KDSR: variants seen among roughly 807,000 people sequenced by gnomAD.
KDSR encodes the protein 3-dehydrosphinganine reductase.
A neutral mutation model predicts 41.3 loss-of-function variants in KDSR; 23 were observed. The observed-to-expected ratio is 0.56, with a 90% CI of 0.40 to 0.79. The LOEUF is 0.79. Ranked by LOEUF, KDSR falls within the 30% of genes least tolerant of loss-of-function variation. The pLI is 0.00. For synonymous variants in KDSR, 138 were observed against 151.7 expected (o/e 0.91, Z 0.66); for missense variants, 351 against 416.8 (o/e 0.84, Z 1.37).
chr18:63,344,896 C>G (rs1914451149), intron 6 of KDSR: 1 of 162,318 alleles, frequency 6.2e-6, no homozygotes, highest in Non-Finnish European at 1.3e-5. Context: ...CCTTTCTTCA[C>G]CAGACTGTAC....
At chr18:63,363,207 C>CTTT (rs1006397920) in intron 1 of KDSR, among the ~76,000 whole-genome samples, 1,870 of 121,732 alleles carry the variant, frequency 0.015, 36 homozygotes, top group African/African-American at 0.054. Flanking sequence ...ATCTTATTTT[C>CTTT]TTTTTTTTTT....
At chr18:63,342,367 T>C (rs1914367548) in intron 7 of KDSR, among the ~76,000 whole-genome samples, 1 of 152,006 alleles carries the variant, frequency 6.6e-6, no homozygotes, top group Non-Finnish European at 1.5e-5. Context: ...ACGTGCAGTG[T>C]GAGGTGAAGA....
rs1421936418 is a variant in KDSR, at chr18:63,327,921, T to C, written c.*3861A>G. On this transcript the variant is annotated 3_prime_UTR_variant, in exon 10 of 10. Transcript: ENST00000645214. ...TATCACATCAAGCAAGTGTAAAATA[T>C]AATAGCTACTATCTCCCCTTCAAAA... 3 of 202,356 alleles carry C rather than the reference T, an allele frequency of 1.5e-5. No individual in the cohort carries two copies. Among genetic ancestry groups the C allele is most frequent in the Non-Finnish European group, 3.0e-5 (3 of 98,482 alleles). 12.5% of individuals were successfully genotyped at this position (202,356 alleles called of 1,614,324 possible). A position where few individuals can be genotyped will look rare whatever the true frequency, so the allele number is the denominator to read the frequency against.
intron 1 of KDSR, chr18:63,366,364 C>G (rs1915135492): frequency 6.6e-6 from 1 of 152,416 alleles, no homozygotes; most frequent in Admixed American, 6.5e-5. Context: ...CCACGCTGAG[C>G]TCAGAGACAA....
chr18:63,354,051 T>A (rs751048291), intron 5 of KDSR, among the ~76,000 whole-genome samples: 12 of 152,152 alleles, frequency 7.9e-5, no homozygotes, highest in Non-Finnish European at 1.3e-4. Flanking sequence ...GTTTTTCCCC[T>A]CTCCACAGGG....
At chr18:63,344,340 G>C in intron 7 of KDSR, 70 bp downstream of exon 7, 1 of 1,076,982 alleles carries the variant, frequency 9.3e-7, no homozygotes, top group Non-Finnish European at 1.4e-6. Context: ...AGTGTGAGCT[G>C]AAGAGTAGAA....
Position 63,331,914 on chromosome 18 carries a change from GA to G in KDSR, c.880-14del. 3 of 1,612,668 alleles carry G rather than the reference GA, an allele frequency of 1.9e-6. No individual in the cohort carries two copies. The highest frequency in any genetic ancestry group is 2.5e-6 in the Non-Finnish European group (3 of 1,179,370). Reference sequence around the variant, plus strand: ...CCATGGTGACCACCTGCAAGATAAAGAGAGAGCTTTTAGTGCATCCAACGGT... The same window carrying G: ...CCATGGTGACCACCTGCAAGATAAAGGAGAGCTTTTAGTGCATCCAACGGT... On this transcript the variant is annotated splice_polypyrimidine_tract_variant and intron_variant, in intron 9 of 9. Transcript: ENST00000645214.
At chr18:63,355,609 C>A in intron 3 of KDSR, 46 bp from the exon 4 acceptor site, 1 of 1,511,962 alleles carries the variant, frequency 6.6e-7, no homozygotes, top group Non-Finnish European at 8.8e-7. Flanking sequence ...AGGTACCAAA[C>A]TATTTCTTAA....
chr18:63,335,360 TA>T lies in KDSR; in HGVS notation c.778-3del, dbSNP rs753410186. ...AAGGGAACTGTTGAAATTTCCTTGC[TA>T]AAAGAGAAGAAAAAGAAGAGAAAGA... On this transcript the variant is annotated splice_region_variant and splice_polypyrimidine_tract_variant and intron_variant, in intron 8 of 9. Coordinates refer to ENST00000645214, the MANE Select transcript of KDSR (RefSeq NM_002035.4). The T allele has an allele frequency of 6.2e-7, 1 of 1,602,648 alleles. No homozygotes were observed. Among genetic ancestry groups the T allele is most frequent in the South Asian group, 1.1e-5 (1 of 90,808 alleles).
At chr18:63,332,990 A>G (rs954520803) in intron 9 of KDSR, among the ~76,000 whole-genome samples, 1 of 152,116 alleles carries the variant, frequency 6.6e-6, no homozygotes, top group Non-Finnish European at 1.5e-5. Flanking sequence ...GAAGATTCCA[A>G]AAAGAAGAAG....
At position 63,331,602 on chromosome 18, in the gene KDSR, A is replaced by G; in HGVS notation, c.*180T>C. On this transcript the variant is annotated 3_prime_UTR_variant, in exon 10 of 10. Coordinates refer to ENST00000645214, the MANE Select transcript of KDSR (RefSeq NM_002035.4). ...TATTCCATATTTGCATAGTATTAAT[A>G]ATACTGTCAGGAGGTGAACTTCTAG... The G allele has an allele frequency of 1.8e-6, 1 of 551,876 alleles. No homozygotes were observed. Among genetic ancestry groups the G allele is most frequent in the Non-Finnish European group, 3.2e-6 (1 of 313,198 alleles). The allele number at this position is 551,876 out of a possible 1,614,324, so 34.2% of individuals were successfully genotyped here.
chr18:63,349,364 C>T (rs754761396), intron 6 of KDSR, among the ~76,000 whole-genome samples: 9 of 151,840 alleles, frequency 5.9e-5, no homozygotes, highest in Non-Finnish European at 1.0e-4. Context: ...GCCTGGGCAA[C>T]AAAGAGAGAC....
At chr18:63,356,836 T>G (rs982809774) in intron 3 of KDSR, among the ~76,000 whole-genome samples, 1 of 152,226 alleles carries the variant, frequency 6.6e-6, no homozygotes. Flanking sequence ...TTTACAGAGC[T>G]GGTGTTTTTC....
chr18:63,346,439 C>G (rs542538153), intron 6 of KDSR: 1 of 152,284 alleles, frequency 6.6e-6, no homozygotes, highest in Non-Finnish European at 1.5e-5. Flanking sequence ...AGACTGACAT[C>G]GACTGCCCAG....
At chr18:63,361,131 A>G (rs1239621778) in intron 2 of KDSR, among the ~76,000 whole-genome samples, 1 of 107,246 alleles carries the variant, frequency 9.3e-6, no homozygotes, top group Non-Finnish European at 1.8e-5. Context: ...AATCCCAGGT[A>G]TTCCGGAGGT....
intron 7 of KDSR, among the ~76,000 whole-genome samples, chr18:63,341,473 T>TAA (rs562462943): frequency 7.3e-6 from 1 of 137,040 alleles, no homozygotes; most frequent in Non-Finnish European, 1.6e-5. Context: ...CCCAAGAGAT[T>TAA]AAAAAAAAAA....
intron 1 of KDSR, among the ~76,000 whole-genome samples, chr18:63,365,087 A>G (rs889032675): frequency 2.0e-5 from 3 of 152,240 alleles, no homozygotes; most frequent in Admixed American, 1.3e-4. Context: ...CCACCACTGA[A>G]GAGATTTATT....
chr18:63,344,625 C>T, intron 6 of KDSR, 132 bp from the exon 7 acceptor site: 1 of 602,830 alleles, frequency 1.7e-6, no homozygotes, highest in Non-Finnish European at 3.0e-6. Context: ...AGGCGGGGAA[C>T]TACACCAATT....
intron 8 of KDSR, among the ~76,000 whole-genome samples, chr18:63,337,072 T>TTATA (rs113764704): frequency 1.4e-3 from 72 of 50,380 alleles, no homozygotes; most frequent in African/African-American, 2.8e-3. Context: ...ATATGTGACT[T>TTATA]TATATATATA....
Sources: allele counts gnomAD v4.1 joint callset (sites outside exome capture counted in the v4.1 genomes callset), GRCh38; gene constraint gnomAD v4.1.1; transcripts MANE v1.5; gene names NCBI Gene and HGNC (gene_info 2026-07-23, HGNC 2026-07-21).